The following ZNF330 variants were observed in gnomAD, a reference collection of about 807,000 sequenced individuals.
ZNF330 encodes the protein nucleolar atypical zinc finger.
A neutral mutation model predicts 45.5 loss-of-function variants in ZNF330; 31 were observed. That is an observed-to-expected ratio of 0.68 (90% CI 0.51 to 0.92). The LOEUF is 0.92. ZNF330 is among the 40% of genes least tolerant of loss of function. ZNF330 has a pLI of 0.00. For missense variants in ZNF330, 356 were observed against 387.4 expected, an observed-to-expected ratio of 0.92 and a Z score of 0.68; for synonymous variants, 138 against 123.2, an observed-to-expected ratio of 1.12 and a Z score of -0.79.
rs775638762 is a variant in ZNF330, at chr4:141,229,748, T to A, written c.418+51T>A. 8.1e-6 allele frequency: 13 copies of A among 1,607,332 alleles called. No individual in the cohort carries two copies. In the Admixed American group the frequency reaches 2.0e-4, roughly 25 times the overall value. On this transcript the variant is annotated intron_variant, in intron 6 of 9. Transcript: ENST00000262990. ...GCTTTGTTATAGGTGAATGTTGACT[T>A]TGAAACATTTTGAATGCTGTTTTTG...
In ZNF330 at chr4:141,234,082, C is replaced by T. The variant is rs552519312; in HGVS notation, c.*93C>T. 1.5e-5 allele frequency: 22 copies of T among 1,506,616 alleles called. No homozygotes were observed. The South Asian group carries it at 2.6e-4, about 18-fold the overall frequency. 93.3% of individuals were successfully genotyped at this position (1,506,616 alleles called of 1,614,324 possible). A position where few individuals can be genotyped will look rare whatever the true frequency, so the allele number is the denominator to read the frequency against. On this transcript the variant is annotated 3_prime_UTR_variant, in exon 10 of 10. Coordinates refer to ENST00000262990, the MANE Select transcript of ZNF330 (RefSeq NM_014487.6). ...TGGTTGTTCAAAAGTACCTTAGCCA[C>T]TTAGCCTTGTGCAGAAGACTAGTTA...
intron 2 of ZNF330, chr4:141,223,907 A>G: frequency 2.4e-6 from 1 of 417,924 alleles, no homozygotes; most frequent in South Asian, 1.8e-5. Flanking sequence ...TGGAGAAGAG[A>G]GAATATAAGA....
In ZNF330 at chr4:141,224,347, T is replaced by C. The variant is rs75972163; in HGVS notation, c.121-140T>C. 6.1e-3 allele frequency: 4,445 copies of C among 726,872 alleles called. 132 individuals carry two copies. The African/African-American group carries it at 0.069, about 11-fold the overall frequency. The allele number at this position is 726,872 out of a possible 1,614,324, so 45.0% of individuals were successfully genotyped here. ...GTTATTTTAAGCATGGGTAGGTGCT[T>C]GTATACATGGGTGGAGTTGGGGCTT... On this transcript the variant is annotated intron_variant, in intron 2 of 9. Coordinates refer to ENST00000262990, the MANE Select transcript of ZNF330 (RefSeq NM_014487.6).
At chr4:141,230,656 A>G (rs1728928053) in intron 7 of ZNF330, among the ~76,000 whole-genome samples, 1 of 152,046 alleles carries the variant, frequency 6.6e-6, no homozygotes, top group Non-Finnish European at 1.5e-5. Context: ...TGTTTCTGCT[A>G]GTTGGTTCTA....
Position 141,226,831 on chromosome 4 carries a change from T to C in ZNF330, c.276T>C (p.Thr92=), listed in dbSNP as rs747066151. ...TAAAGCATGCTGGTGTATACAGTACTGGCCTTGCAATGGTGGTAAGCTTCT... is the reference window on the plus strand; with the variant it reads ...TAAAGCATGCTGGTGTATACAGTACCGGCCTTGCAATGGTGGTAAGCTTCT... ...CVIKHAGVYS[T]GLAMVGAICD... is the part of the protein sequence containing the mutation. Residue 92 remains threonine (T), a synonymous_variant, in exon 5 of 10, where the codon ACT becomes ACC. Transcript: ENST00000262990. 1.2e-6 allele frequency: 2 copies of C among 1,611,912 alleles called. No individual in the cohort carries two copies. The highest frequency in any genetic ancestry group is 1.7e-6 in the Non-Finnish European group (2 of 1,178,758).
intron 5 of ZNF330, among the ~76,000 whole-genome samples, chr4:141,228,083 A>G (rs555174211): frequency 7.9e-5 from 12 of 152,162 alleles, no homozygotes; most frequent in Admixed American, 2.6e-4. Context: ...ATTTCCAAGA[A>G]CATGTAAACT....
Position 141,222,504 on chromosome 4 carries a change from T to C in ZNF330, c.120+13T>C, listed in dbSNP as rs1381408380. On this transcript the variant is annotated intron_variant, in intron 2 of 9. Coordinates refer to ENST00000262990, the MANE Select transcript of ZNF330 (RefSeq NM_014487.6). ...TAATGCCTCAATGGTATCAGCTTTT[T>C]TTGATATCAGTTGGTAGTTGGAAAA... 2 of 1,606,270 alleles carry C rather than the reference T, an allele frequency of 1.2e-6. No homozygotes were observed. Among genetic ancestry groups the C allele is most frequent in the Admixed American group, 3.4e-5 (2 of 57,986 alleles).
At chr4:141,224,890 T>G (rs1274467053) in intron 4 of ZNF330, among the ~76,000 whole-genome samples, 1 of 152,106 alleles carries the variant, frequency 6.6e-6, no homozygotes, top group Non-Finnish European at 1.5e-5. Context: ...GGAAAATAAT[T>G]AAGGTACAAT....
Position 141,231,492 on chromosome 4 carries a change from C to G in ZNF330, c.570+7C>G. 6.3e-7 allele frequency: 1 copy of G among 1,583,996 alleles called. No individual in the cohort carries two copies. The highest frequency in any genetic ancestry group is 2.3e-5 in the East Asian group (1 of 42,854). ...CTCATGTCTCCGTTGTAAGGTATACCAATGCGTTTTTTTCTTTTTAGATTT... is the reference window on the plus strand; with the variant it reads ...CTCATGTCTCCGTTGTAAGGTATACGAATGCGTTTTTTTCTTTTTAGATTT... On this transcript the variant is annotated splice_region_variant and intron_variant, in intron 8 of 9. Coordinates refer to ENST00000262990, the MANE Select transcript of ZNF330 (RefSeq NM_014487.6).
chr4:141,224,991 A>G (rs1728768699), intron 4 of ZNF330, among the ~76,000 whole-genome samples: 1 of 152,066 alleles, frequency 6.6e-6, no homozygotes, highest in Non-Finnish European at 1.5e-5. Context: ...TAGTTATACT[A>G]CCTTAGTCTT....
chr4:141,230,320 A>G (rs1423754079), intron 7 of ZNF330, 50 bp downstream of exon 7: 2 of 1,089,880 alleles, frequency 1.8e-6, no homozygotes, highest in African/African-American at 3.2e-5. Context: ...TCTGAATAGT[A>G]TAATTATTAA....
At chr4:141,224,159 G>C in intron 2 of ZNF330, 1 of 385,996 alleles carries the variant, frequency 2.6e-6, no homozygotes, top group Non-Finnish European at 4.7e-6. Context: ...ATAAGGCTTA[G>C]AATGTACTTA....
In ZNF330 at chr4:141,233,697, C is replaced by T. The variant is rs1308110250; in HGVS notation, c.689-18C>T. ...ACTGGAACTAACAAAATGCCTTGTA[C>T]TTGTCTGTCTTCTATAGCACGCTCC... On this transcript the variant is annotated intron_variant, in intron 9 of 9. Coordinates refer to ENST00000262990, the MANE Select transcript of ZNF330 (RefSeq NM_014487.6). 1.9e-6 allele frequency: 3 copies of T among 1,604,718 alleles called. No individual in the cohort carries two copies. The highest frequency in any genetic ancestry group is 1.7e-5 in the Admixed American group (1 of 59,418).
At chr4:141,232,677 G>A in intron 9 of ZNF330, 35 bp downstream of exon 9, 1 of 1,198,118 alleles carries the variant, frequency 8.3e-7, no homozygotes, top group Non-Finnish European at 1.1e-6. Context: ...AGTGATTTTT[G>A]CTTTCATACT....
chr4:141,227,636 T>C (rs1050791930), intron 5 of ZNF330, among the ~76,000 whole-genome samples: 4 of 152,126 alleles, frequency 2.6e-5, no homozygotes, highest in African/African-American at 4.8e-5. Flanking sequence ...TGATTTATAA[T>C]CCTTTGGGTA....
At chr4:141,225,971 A>G (rs1728794037) in intron 4 of ZNF330, among the ~76,000 whole-genome samples, 1 of 151,958 alleles carries the variant, frequency 6.6e-6, no homozygotes, top group Admixed American at 6.6e-5. Flanking sequence ...CCCATTTCCT[A>G]CTAACTTTGT....
chr4:141,228,350 G>A (rs1021266855), intron 5 of ZNF330, among the ~76,000 whole-genome samples: 1 of 152,014 alleles, frequency 6.6e-6, no homozygotes, highest in Admixed American at 6.6e-5. Context: ...ATCTTTAGTT[G>A]TAAATTCTAG....
At chr4:141,223,503 C>A (rs1728733299) in intron 2 of ZNF330, among the ~76,000 whole-genome samples, 1 of 152,158 alleles carries the variant, frequency 6.6e-6, no homozygotes, top group South Asian at 2.1e-4. Context: ...AGGTAGCTTG[C>A]ATGTCTCACA....
At chr4:141,222,545 A>G in intron 2 of ZNF330, 54 bp downstream of exon 2, 1 of 1,578,280 alleles carries the variant, frequency 6.3e-7, no homozygotes, top group Non-Finnish European at 8.6e-7. Flanking sequence ...ATACTATTTT[A>G]TCTGACGTAT....
Sources: gnomAD v4.1 joint callset for allele counts (sites outside exome capture counted in the v4.1 genomes callset) on GRCh38, gnomAD v4.1.1 for gene constraint, MANE v1.5 for transcripts, NCBI Gene and HGNC (gene_info 2026-07-23, HGNC 2026-07-21) for gene names.